RASGRF1: variants seen among roughly 807,000 people sequenced by gnomAD.
RASGRF1 encodes Ras protein specific guanine nucleotide releasing factor 1.
In RASGRF1, 40 loss-of-function variants were observed where a neutral mutation model predicts 138.7. That is an observed-to-expected ratio of 0.29 (90% CI 0.22 to 0.38). The LOEUF (loss-of-function observed/expected upper bound fraction) is 0.38. Among genes scored for constraint, RASGRF1 ranks in the 10% least tolerant of loss-of-function variants. The pLI, the probability that RASGRF1 is intolerant of heterozygous loss-of-function variation, is 1.00. For synonymous variants in RASGRF1, 614 were observed against 663.2 expected (o/e 0.93, Z 1.14); for missense variants, 1,108 against 1,650.4 (o/e 0.67, Z 5.69).
rs939290545 is a variant in RASGRF1 at position 78,961,462 on chromosome 15, T to C, written c.*682A>G. On this transcript the variant is annotated 3_prime_UTR_variant, in exon 27 of 27. Coordinates refer to ENST00000558480, the MANE Select transcript of RASGRF1 (RefSeq NM_001145648.3). ...AAGTCTAGGGCCTCATCCAGTTGTA[T>C]TGAGACTGCTATTCATGCTATCTGG... is the stretch of plus-strand genomic sequence containing the variant. The C allele has an allele frequency of 6.6e-6, 1 of 152,200 alleles. No homozygotes were observed. Among genetic ancestry groups the C allele is most frequent in the Non-Finnish European group, 1.5e-5 (1 of 68,056 alleles). The allele number at this position is 152,200 out of a possible 1,614,324, so 9.4% of individuals were successfully genotyped here.
intron 8 of RASGRF1, among the ~76,000 whole-genome samples, chr15:79,030,671 T>G (rs1232977934): frequency 2.0e-5 from 3 of 152,234 alleles, no homozygotes; most frequent in African/African-American, 7.2e-5. Flanking sequence ...CTCTGGTGGC[T>G]CAGCCCCACA....
intron 24 of RASGRF1, among the ~76,000 whole-genome samples, chr15:78,975,372 T>C (rs548179081): frequency 1.3e-3 from 194 of 150,402 alleles, no homozygotes; most frequent in African/African-American, 4.6e-3. Context: ...TTCAAATATA[T>C]ATATTTACTG....
intron 4 of RASGRF1, among the ~76,000 whole-genome samples, chr15:79,047,370 G>A (rs188181378): frequency 1.2e-4 from 19 of 152,296 alleles, no homozygotes; most frequent in East Asian, 5.8e-4. Context: ...GGAAGCATTC[G>A]CTGGAGGAGG....
intron 2 of RASGRF1, among the ~76,000 whole-genome samples, chr15:79,060,997 A>C (rs991863739): frequency 7.2e-5 from 11 of 151,764 alleles, no homozygotes; most frequent in African/African-American, 2.7e-4. Flanking sequence ...AAAAGCGGGG[A>C]GTTTTCTCTG....
In RASGRF1 at chr15:78,961,213, A is replaced by T. The variant is rs927473557; in HGVS notation, c.*931T>A. 4 of 152,262 alleles carry T rather than the reference A, an allele frequency of 2.6e-5. No individual in the cohort carries two copies. The highest frequency in any genetic ancestry group is 5.9e-5 in the Non-Finnish European group (4 of 68,040). The allele number at this position is 152,262 out of a possible 1,614,324, so 9.4% of individuals were successfully genotyped here. A position where few individuals can be genotyped will look rare whatever the true frequency, so the allele number is the denominator to read the frequency against. On this transcript the variant is annotated 3_prime_UTR_variant, in exon 27 of 27. Transcript: ENST00000558480. ...GAAGGCATTTAGACAGGACTACAGT[A>T]TATGCAATAAAAACACTTGGTTATT...
intron 26 of RASGRF1, among the ~76,000 whole-genome samples, chr15:78,967,712 T>C (rs1487188772): frequency 6.6e-6 from 1 of 152,238 alleles, no homozygotes; most frequent in Non-Finnish European, 1.5e-5. Flanking sequence ...ATGCTTTTAC[T>C]GTTGTCTGTT....
At chr15:79,048,682 T>C (rs2057387214) in intron 4 of RASGRF1, among the ~76,000 whole-genome samples, 1 of 152,178 alleles carries the variant, frequency 6.6e-6, no homozygotes, top group Admixed American at 6.5e-5. Flanking sequence ...TTTTTAAAAA[T>C]GTAAACCAAA....
chr15:79,016,927 C>T (rs968514306), intron 12 of RASGRF1, among the ~76,000 whole-genome samples: 1 of 152,220 alleles, frequency 6.6e-6, no homozygotes, highest in African/African-American at 2.4e-5. Flanking sequence ...GGCCACCAAC[C>T]TCCCTCCCCT....
Position 79,059,382 on chromosome 15 carries a change from C to CCCAAT in RASGRF1, c.384-902_384-901insATTGG, listed in dbSNP as rs1567595103. 9.6e-4 allele frequency among the ~76,000 whole-genome samples: 58 copies of CCCAAT among 60,642 alleles called. 2 individuals carry two copies. The highest frequency in any genetic ancestry group is 3.5e-3 in the African/African-American group (45 of 12,712). The allele number at this position is 60,642 out of a possible 152,430, so 39.8% of individuals were successfully genotyped here. On this transcript the variant is annotated intron_variant, in intron 2 of 26. Coordinates refer to ENST00000558480, the MANE Select transcript of RASGRF1 (RefSeq NM_001145648.3). ...TCCTTCCCTTCCCAATCCTTCCCTT[C>CCCAAT]CCTTCCCTTCCCTTCCCTTCCCTTC...
Position 79,035,201 on chromosome 15 carries a change from G to C in RASGRF1, c.888C>G (p.Ile296Met), listed in dbSNP as rs2057201548. 1 of 1,613,086 alleles carries C rather than the reference G, an allele frequency of 6.2e-7. No homozygotes were observed. The highest frequency in any genetic ancestry group is 8.5e-7 in the Non-Finnish European group (1 of 1,179,456). Residue 296 changes from isoleucine (I) to methionine (M), a missense_variant, in exon 6 of 27, where the codon ATC (isoleucine) becomes ATG (methionine). By Grantham distance (10) the Ile-to-Met change is conservative (BLOSUM62 1). Coordinates refer to ENST00000558480, the MANE Select transcript of RASGRF1 (RefSeq NM_001145648.3). Reference protein sequence around the residue: ...VSSIFLNSETIMFLHQIFYQG... With the variant: ...VSSIFLNSETMMFLHQIFYQG... ...GGTAAAAGATCTGATGTAAAAACAT[G>C]ATGGTTTCGCTGAAAGAGAAAGCAC...
intron 1 of RASGRF1, among the ~76,000 whole-genome samples, chr15:79,086,383 T>G (rs1019973855): frequency 6.6e-6 from 1 of 152,206 alleles, no homozygotes; most frequent in Non-Finnish European, 1.5e-5. Flanking sequence ...TTTCTGCCAT[T>G]GCCTTGCTGG....
At position 79,046,754 on chromosome 15, in the gene RASGRF1, G is replaced by A; in HGVS notation, c.870C>T (p.Phe290=). 6.2e-7 allele frequency: 1 copy of A among 1,614,260 alleles called. No homozygotes were observed. The highest frequency in any genetic ancestry group is 8.5e-7 in the Non-Finnish European group (1 of 1,180,038). ...CCTTTAGGGGTGCTCACCTGTTCAG[G>A]AAGATGCTGCTGACGTCGTCGTGTG... is the stretch of plus-strand genomic sequence containing the variant. ...PITHDDVSSI[F]LNSETIMFLH... is the part of the protein sequence containing the mutation. The change falls in exon 5 of 27, where the codon TTC becomes TTT. Residue 290 remains phenylalanine (F), a synonymous_variant. Coordinates refer to ENST00000558480, the MANE Select transcript of RASGRF1 (RefSeq NM_001145648.3). This position sits in a 1 kb window ranked among gnomAD's most constrained non-coding sequence, Gnocchi z 5.3.
Position 79,046,594 on chromosome 15 carries a change from T to C in RASGRF1, c.878+152A>G. ...CAGACCCCACAATTATTGGGGTTGG[T>C]GGTTTCTAGCCACGTGATCTTGGGC... On this transcript the variant is annotated intron_variant, in intron 5 of 26. Coordinates refer to ENST00000558480, the MANE Select transcript of RASGRF1 (RefSeq NM_001145648.3). This position sits in a 1 kb window ranked among gnomAD's most constrained non-coding sequence, Gnocchi z 5.3. 2.3e-6 allele frequency: 3 copies of C among 1,300,920 alleles called. No individual in the cohort carries two copies. The South Asian group carries it at 4.2e-5, about 18-fold the overall frequency. The allele number at this position is 1,300,920 out of a possible 1,614,324, so 80.6% of individuals were successfully genotyped here.
At chr15:78,966,124 G>T (rs563664663) in intron 26 of RASGRF1, among the ~76,000 whole-genome samples, 1 of 151,818 alleles carries the variant, frequency 6.6e-6, no homozygotes, top group Non-Finnish European at 1.5e-5. Context: ...TTAAGCTGAT[G>T]AATTCAATGT....
At chr15:79,038,097 G>A (rs1192084055) in intron 5 of RASGRF1, among the ~76,000 whole-genome samples, 2 of 152,184 alleles carry the variant, frequency 1.3e-5, no homozygotes, top group Non-Finnish European at 1.5e-5. Context: ...CTCACCTCCT[G>A]CTGTGGGGTC....
intron 13 of RASGRF1, among the ~76,000 whole-genome samples, chr15:79,007,909 A>C (rs1595896519): frequency 6.8e-6 from 1 of 147,466 alleles, no homozygotes; most frequent in African/African-American, 2.5e-5. Context: ...TTGCTCTGTC[A>C]CCCAAGCTGG....
intron 13 of RASGRF1, among the ~76,000 whole-genome samples, chr15:79,012,162 A>G (rs949444998): frequency 6.6e-6 from 1 of 152,174 alleles, no homozygotes; most frequent in Non-Finnish European, 1.5e-5. Context: ...CCTGCATGAC[A>G]TCACTCTCCT....
At chr15:79,057,156 G>A (rs2141046025) in intron 3 of RASGRF1, among the ~76,000 whole-genome samples, 1 of 152,296 alleles carries the variant, frequency 6.6e-6, no homozygotes, top group South Asian at 2.1e-4. Flanking sequence ...CAGATGCCTG[G>A]GCATAGGTGC....
In RASGRF1 at chr15:79,015,482, A is replaced by C. The variant is rs2056865653; in HGVS notation, c.1744-73T>G. On this transcript the variant is annotated intron_variant, in intron 12 of 26. Coordinates refer to ENST00000558480, the MANE Select transcript of RASGRF1 (RefSeq NM_001145648.3). ...CCCAGGCCCACCAGGAGCTCTGCCA[A>C]CTGTAAAGTTCACATGCCTCAGTCT... The C allele has an allele frequency of 1.9e-5, 26 of 1,372,480 alleles. No individual in the cohort carries two copies. In the South Asian group the frequency reaches 2.8e-4, roughly 15 times the overall value. The allele number at this position is 1,372,480 out of a possible 1,614,324, so 85.0% of individuals were successfully genotyped here.
Sources: gnomAD v4.1 joint callset for allele counts (sites outside exome capture counted in the v4.1 genomes callset) on GRCh38, gnomAD v4.1.1 for gene constraint, Gnocchi (gnomAD v3.1) non-coding constraint, MANE v1.5 for transcripts, NCBI Gene and HGNC (gene_info 2026-07-23, HGNC 2026-07-21) for gene names.